Variants in PEX14 observed in about 807,000 individuals in gnomAD.
PEX14 encodes the protein peroxisomal biogenesis factor 14.
PEX14 carries 15 observed loss-of-function variants against 49.5 expected under a neutral mutation model. That is an observed-to-expected ratio of 0.30 (90% confidence interval 0.20 to 0.47). The LOEUF (loss-of-function observed/expected upper bound fraction) is 0.47, where lower values mean the gene tolerates loss of function less well. Among genes scored for constraint, PEX14 ranks in the 20% least tolerant of loss-of-function variants. PEX14 has a pLI of 1.00. For missense variants in PEX14, 398 were observed against 494.8 expected, an observed-to-expected ratio of 0.80 and a Z score of 1.86; for synonymous variants, 210 against 212.7, an observed-to-expected ratio of 0.99 and a Z score of 0.11.
At chr1:10,508,405 C>T (rs1980933) in intron 2 of PEX14, among the ~76,000 whole-genome samples, 4,589 of 152,146 alleles carry the variant, frequency 0.03, 241 homozygotes, top group African/African-American at 0.1. Context: ...GACGGGGTTT[C>T]ACTGTGTTAG....
chr1:10,604,615 A>AAACC (rs1247980795), intron 4 of PEX14, among the ~76,000 whole-genome samples: 3 of 152,102 alleles, frequency 2.0e-5, no homozygotes, highest in Non-Finnish European at 2.9e-5. Context: ...TGCCTCTAAA[A>AAACC]AACCAAAAAG....
intron 2 of PEX14, among the ~76,000 whole-genome samples, chr1:10,504,594 C>T (rs572506107): frequency 3.9e-4 from 60 of 152,320 alleles, no homozygotes; most frequent in Admixed American, 6.5e-4. Flanking sequence ...AGGCCTTTCT[C>T]TCTGTGTTGG....
rs576362872 is a variant in PEX14 at position 10,612,506 on chromosome 1, A to G, written c.299-5826A>G. On this transcript the variant is annotated intron_variant, in intron 4 of 8. Coordinates refer to ENST00000356607, the MANE Select transcript of PEX14 (RefSeq NM_004565.3). ...GTAAATACAGGCTTTGCATTTTCCA[A>G]CAGGACTACTGTTGGGCTACTGTGG... Among the ~76,000 whole-genome samples the G allele has an allele frequency of 3.3e-5, 5 of 152,310 alleles. 1 individual carries two copies. In the South Asian group the frequency reaches 1.0e-3, roughly 32 times the overall value.
At chr1:10,486,932 C>A (rs775950792) in intron 1 of PEX14, among the ~76,000 whole-genome samples, 2 of 151,792 alleles carry the variant, frequency 1.3e-5, no homozygotes, top group Non-Finnish European at 2.9e-5. Context: ...TGTGATCTGC[C>A]CACCTTGGCC....
At chr1:10,624,486 G>A in intron 7 of PEX14, 49 bp downstream of exon 7, 5 of 1,268,856 alleles carry the variant, frequency 3.9e-6, no homozygotes, top group Admixed American at 1.7e-5. Context: ...TCTGTCCCAT[G>A]TGCCCTTCAC....
rs139849340 is a variant in PEX14, at chr1:10,582,175, A to G, written c.170-17063A>G. 3.3e-3 allele frequency among the ~76,000 whole-genome samples: 502 copies of G among 151,628 alleles called. 7 individuals are homozygous for G. The highest frequency in any genetic ancestry group is 0.012 in the African/African-American group (478 of 41,310). ...AGTGATAATGAGTTTTATGATAAAC[A>G]GCTTTTTTTTTTTAAGAGGGGAAAA... On this transcript the variant is annotated intron_variant, in intron 3 of 8. Transcript: ENST00000356607.
At chr1:10,498,088 T>C (rs1641602219) in intron 2 of PEX14, among the ~76,000 whole-genome samples, 1 of 152,192 alleles carries the variant, frequency 6.6e-6, no homozygotes, top group South Asian at 2.1e-4. Context: ...GAGACCAGCC[T>C]GCACAAAATA....
At chr1:10,487,758 T>C (rs1272972184) in intron 1 of PEX14, among the ~76,000 whole-genome samples, 1 of 151,920 alleles carries the variant, frequency 6.6e-6, no homozygotes, top group African/African-American at 2.4e-5. Context: ...GCTGGGATTA[T>C]AGGCATGAGC....
chr1:10,490,138 A>C (rs536327567), intron 1 of PEX14, among the ~76,000 whole-genome samples: 1 of 152,326 alleles, frequency 6.6e-6, no homozygotes, highest in Non-Finnish European at 1.5e-5. Flanking sequence ...AGAGAGGTTG[A>C]GCAGCGTGCC....
intron 1 of PEX14, 105 bp downstream of exon 1, chr1:10,475,107 G>A (rs1641170897): frequency 8.8e-7 from 1 of 1,134,734 alleles, no homozygotes; most frequent in Non-Finnish European, 1.3e-6. Flanking sequence ...TCCGAAGCTG[G>A]GGACCCCGAC....
At chr1:10,477,535 G>A (rs1192885606) in intron 1 of PEX14, among the ~76,000 whole-genome samples, 1 of 152,200 alleles carries the variant, frequency 6.6e-6, no homozygotes, top group Non-Finnish European at 1.5e-5. Context: ...TGAAAGGATT[G>A]TTTAGCTAAT....
intron 2 of PEX14, among the ~76,000 whole-genome samples, chr1:10,534,429 T>G (rs898461542): frequency 6.6e-6 from 1 of 152,094 alleles, no homozygotes; most frequent in Non-Finnish European, 1.5e-5. Flanking sequence ...TACTGTTGCC[T>G]TCTTCTCCCC....
chr1:10,609,474 A>G (rs540656209), intron 4 of PEX14, among the ~76,000 whole-genome samples: 1 of 152,302 alleles, frequency 6.6e-6, no homozygotes, highest in African/African-American at 2.4e-5. Context: ...AATATAGAAA[A>G]TTTCTATCAC....
intron 3 of PEX14, among the ~76,000 whole-genome samples, chr1:10,541,024 T>C (rs748681334): frequency 1.3e-5 from 2 of 152,204 alleles, no homozygotes; most frequent in African/African-American, 2.4e-5. Context: ...GAATGTCTTA[T>C]TGATTCTTAC....
intron 4 of PEX14, among the ~76,000 whole-genome samples, chr1:10,606,439 T>A (rs1205459602): frequency 6.6e-6 from 1 of 152,216 alleles, no homozygotes; most frequent in Non-Finnish European, 1.5e-5. Flanking sequence ...CGAGTGAGGC[T>A]GAGATGTAGT....
intron 2 of PEX14, among the ~76,000 whole-genome samples, chr1:10,515,754 G>A (rs1641958912): frequency 6.6e-6 from 1 of 152,156 alleles, no homozygotes; most frequent in Admixed American, 6.5e-5. Context: ...GTCTGCTTGT[G>A]ATTTGAGAAA....
intron 3 of PEX14, among the ~76,000 whole-genome samples, chr1:10,559,487 C>G (rs1028071254): frequency 6.6e-6 from 1 of 152,090 alleles, no homozygotes; most frequent in African/African-American, 2.4e-5. Flanking sequence ...GAAATAACTC[C>G]CAGTCCCTTG....
chr1:10,552,308 G>T (rs917547244), intron 3 of PEX14, among the ~76,000 whole-genome samples: 3 of 152,102 alleles, frequency 2.0e-5, no homozygotes, highest in African/African-American at 7.2e-5. Flanking sequence ...TGGGCATGGT[G>T]GCGGACGCCT....
chr1:10,629,226 G>A lies in PEX14; in HGVS notation c.678-305G>A, dbSNP rs1474177018. Among the ~76,000 whole-genome samples the A allele has an allele frequency of 6.6e-6, 1 of 152,226 alleles. No individual in the cohort carries two copies. The highest frequency in any genetic ancestry group is 1.5e-5 in the Non-Finnish European group (1 of 68,038). Reference sequence around the variant, plus strand: ...GAGGATCAGAAGGAAGCAGGCTCCCGCATGGCAGGCAGGCCCCACTTGGCT... The same window carrying A: ...GAGGATCAGAAGGAAGCAGGCTCCCACATGGCAGGCAGGCCCCACTTGGCT... On this transcript the variant is annotated intron_variant, in intron 8 of 8. Transcript: ENST00000356607. This position sits in a 1 kb window ranked among gnomAD's most constrained non-coding sequence, Gnocchi z 8.5.
Sources: allele counts gnomAD v4.1 joint callset (sites outside exome capture counted in the v4.1 genomes callset), GRCh38; gene constraint gnomAD v4.1.1; non-coding constraint Gnocchi (gnomAD v3.1); transcripts MANE v1.5; gene names NCBI Gene and HGNC (gene_info 2026-07-23, HGNC 2026-07-21).